The following CA10 variants were observed in gnomAD, a reference collection of about 807,000 sequenced individuals.
CA10 encodes the protein carbonic anhydrase 10 (inactive).
A neutral mutation model predicts 44.2 loss-of-function variants in CA10; 14 were observed. The ratio of observed to expected loss-of-function variants is 0.32; its 90% CI spans 0.21 to 0.50. CA10 has a LOEUF of 0.50. CA10 is among the 20% of genes least tolerant of loss of function. The pLI, the probability that CA10 is intolerant of heterozygous loss-of-function variation, is 0.99. For synonymous variants in CA10, 159 were observed against 141.6 expected, an observed-to-expected ratio of 1.12 and a Z score of -0.87; for missense variants, 350 against 409.7, an observed-to-expected ratio of 0.85 and a Z score of 1.26.
intron 4 of CA10, among the ~76,000 whole-genome samples, chr17:51,670,000 A>G (rs1914356552): frequency 6.6e-6 from 1 of 152,164 alleles, no homozygotes; most frequent in Admixed American, 6.5e-5. Flanking sequence ...AAGTCTCATG[A>G]GTTCTGATGG....
At chr17:52,095,981 T>C (rs368151463) in intron 1 of CA10, among the ~76,000 whole-genome samples, 1 of 152,114 alleles carries the variant, frequency 6.6e-6, no homozygotes, top group African/African-American at 2.4e-5. Context: ...TAGATGTCCT[T>C]TTATTACCTG....
chr17:52,156,628 G>T (rs537719542), intron 1 of CA10, among the ~76,000 whole-genome samples: 2 of 152,318 alleles, frequency 1.3e-5, no homozygotes, highest in Admixed American at 6.5e-5. Context: ...GAAGGAAGAG[G>T]CAGGAAACAT....
At chr17:51,994,905 T>C (rs1186807559) in intron 2 of CA10, among the ~76,000 whole-genome samples, 1 of 152,048 alleles carries the variant, frequency 6.6e-6, no homozygotes, top group Non-Finnish European at 1.5e-5. Context: ...ATGGCTTTAA[T>C]AAGATGGGCC....
intron 2 of CA10, among the ~76,000 whole-genome samples, chr17:52,046,624 A>G (rs991390746): frequency 2.6e-5 from 4 of 151,882 alleles, no homozygotes; most frequent in African/African-American, 9.7e-5. Context: ...CCTTTCTACC[A>G]AACATTTAAT....
chr17:51,927,286 T>G (rs1424546385), intron 3 of CA10, among the ~76,000 whole-genome samples: 1 of 152,174 alleles, frequency 6.6e-6, no homozygotes, highest in African/African-American at 2.4e-5. Context: ...ACTACTGAGG[T>G]GTCTATTTTA....
At chr17:51,715,354 T>C (rs761537504) in intron 4 of CA10, among the ~76,000 whole-genome samples, 16 of 152,076 alleles carry the variant, frequency 1.1e-4, no homozygotes, top group Non-Finnish European at 2.2e-4. Context: ...ACTTAAAATA[T>C]AATAATAATA....
In CA10 at chr17:52,030,053, T is replaced by C. The variant is rs538539942; in HGVS notation, c.136+42266A>G. Among the ~76,000 whole-genome samples, 186 of 152,322 alleles carry C rather than the reference T, an allele frequency of 1.2e-3. 5 individuals carry two copies. In the South Asian group the frequency reaches 0.023, roughly 19 times the overall value. On this transcript the variant is annotated intron_variant, in intron 2 of 8. Transcript: ENST00000451037. ...GCAGAGAGAATGACTTTGCTCTTCA[T>C]ACCCTAAAATTGAGTCCACCAGGGA...
At chr17:51,697,838 G>A (rs1374454703) in intron 4 of CA10, among the ~76,000 whole-genome samples, 2 of 152,140 alleles carry the variant, frequency 1.3e-5, no homozygotes, top group African/African-American at 4.8e-5. Context: ...GTTGTTACCT[G>A]GATTTCCCCA....
intron 2 of CA10, among the ~76,000 whole-genome samples, chr17:51,987,538 A>T (rs985583676): frequency 5.9e-5 from 9 of 152,026 alleles, no homozygotes; most frequent in Non-Finnish European, 1.2e-4. Flanking sequence ...AAAAAAATTT[A>T]AAAAAATGTA....
chr17:51,956,375 C>T (rs1316180231), intron 2 of CA10, among the ~76,000 whole-genome samples: 1 of 152,148 alleles, frequency 6.6e-6, no homozygotes, highest in Non-Finnish European at 1.5e-5. Flanking sequence ...TTGTTGTACA[C>T]ATATGACCTC....
intron 3 of CA10, among the ~76,000 whole-genome samples, chr17:51,882,055 C>A (rs1290405311): frequency 2.1e-5 from 3 of 145,358 alleles, no homozygotes; most frequent in Non-Finnish European, 4.5e-5. Context: ...TGGAAAACTT[C>A]GCAGTGGCAA....
intron 6 of CA10, among the ~76,000 whole-genome samples, chr17:51,643,653 A>G (rs12938412): frequency 0.7 from 106,395 of 152,034 alleles, 37,591 homozygotes; most frequent in South Asian, 0.81. Context: ...CAGGAGCGGT[A>G]TTTCATTTAA....
chr17:51,920,333 A>C (rs948508752), intron 3 of CA10, among the ~76,000 whole-genome samples: 1 of 152,160 alleles, frequency 6.6e-6, no homozygotes, highest in Non-Finnish European at 1.5e-5. Context: ...CAGGGAAAGA[A>C]GGACAGGGAA....
At chr17:52,035,996 T>A (rs1479044334) in intron 2 of CA10, among the ~76,000 whole-genome samples, 1 of 152,180 alleles carries the variant, frequency 6.6e-6, no homozygotes, top group Non-Finnish European at 1.5e-5. Flanking sequence ...ATTCTATGCA[T>A]CAGAATCACC....
chr17:51,751,863 C>G lies in CA10; in HGVS notation c.280-4045G>C, dbSNP rs144306012. ...CCTTCTGCATACATGGCTCTGTCTTCATTCATTCATTCGCTTGGCCATTTA... is the reference window on the plus strand; with the variant it reads ...CCTTCTGCATACATGGCTCTGTCTTGATTCATTCATTCGCTTGGCCATTTA... On this transcript the variant is annotated intron_variant, in intron 3 of 8. Transcript: ENST00000451037. Among the ~76,000 whole-genome samples the G allele has an allele frequency of 4.5e-3, 681 of 152,270 alleles. 8 individuals carry two copies. Among genetic ancestry groups the G allele is most frequent in the African/African-American group, 0.016 (650 of 41,556 alleles).
intron 4 of CA10, among the ~76,000 whole-genome samples, chr17:51,726,083 T>G (rs1026088916): frequency 2.6e-5 from 4 of 152,192 alleles, no homozygotes; most frequent in Non-Finnish European, 5.9e-5. Flanking sequence ...TAGGATTTGA[T>G]AGGCAAACAG....
intron 3 of CA10, among the ~76,000 whole-genome samples, chr17:51,856,178 C>A (rs1979034470): frequency 6.6e-6 from 1 of 152,190 alleles, no homozygotes; most frequent in Non-Finnish European, 1.5e-5. Flanking sequence ...TGCAGAAGGA[C>A]TGACATGCTT....
intron 2 of CA10, among the ~76,000 whole-genome samples, chr17:51,979,007 T>G (rs1383299124): frequency 6.6e-6 from 1 of 152,148 alleles, no homozygotes; most frequent in Non-Finnish European, 1.5e-5. Context: ...GAGGTCCTTA[T>G]TCTGTTTCCT....
chr17:51,995,413 G>A (rs1427066863), intron 2 of CA10, among the ~76,000 whole-genome samples: 1 of 151,894 alleles, frequency 6.6e-6, no homozygotes, highest in African/African-American at 2.4e-5. Flanking sequence ...TTTATATGGG[G>A]TAGCATTTTT....
Sources: gnomAD v4.1 joint callset for allele counts (sites outside exome capture counted in the v4.1 genomes callset) on GRCh38, gnomAD v4.1.1 for gene constraint, MANE v1.5 for transcripts, NCBI Gene and HGNC (gene_info 2026-07-23, HGNC 2026-07-21) for gene names.